The following SH2D4A variants were observed in gnomAD, a reference collection of about 807,000 sequenced individuals.
SH2D4A encodes the protein SH2 domain-containing protein 4A.
A neutral mutation model predicts 64.7 loss-of-function variants in SH2D4A; 70 were observed. The observed-to-expected ratio is 1.08, with a 90% CI of 0.89 to 1.32. SH2D4A has a LOEUF of 1.32. Among genes scored for constraint, SH2D4A ranks in the 40% most tolerant of loss-of-function variants. The probability of loss-of-function intolerance (pLI) is 0.00; values close to 1 mark genes in which losing one functional copy is unlikely to be tolerated. For missense variants in SH2D4A, 706 were observed against 540.1 expected (o/e 1.31, Z -3.04); for synonymous variants, 268 against 200.7 (o/e 1.34, Z -2.83).
At chr8:19,378,208 T>A (rs936778393) in intron 8 of SH2D4A, among the ~76,000 whole-genome samples, 2 of 152,344 alleles carry the variant, frequency 1.3e-5, no homozygotes, top group African/African-American at 4.8e-5. Flanking sequence ...TACATATATA[T>A]TCTCCTAGTT....
At position 19,364,302 on chromosome 8, in the gene SH2D4A, G is replaced by T; in HGVS notation, c.917+20G>T. 1 of 1,612,688 alleles carries T rather than the reference G, an allele frequency of 6.2e-7. No homozygotes were observed. The highest frequency in any genetic ancestry group is 8.5e-7 in the Non-Finnish European group (1 of 1,179,010). On this transcript the variant is annotated intron_variant, in intron 7 of 9. Transcript: ENST00000265807. The stretch of plus-strand genomic sequence containing the variant: ...TCTTAGGTAAGAAGCCACACAGATG[G>T]GTTTATGCATAAACATTGCAATGGG...
intron 4 of SH2D4A, among the ~76,000 whole-genome samples, chr8:19,353,334 A>G (rs2052736558): frequency 6.6e-6 from 1 of 151,412 alleles, no homozygotes; most frequent in Admixed American, 6.6e-5. Context: ...TATTGCCATC[A>G]TAAGTCATTA....
At chr8:19,363,437 T>G (rs2153648583) in intron 6 of SH2D4A, among the ~76,000 whole-genome samples, 1 of 152,274 alleles carries the variant, frequency 6.6e-6, no homozygotes, top group Non-Finnish European at 1.5e-5. Context: ...TATGATGCAT[T>G]TCTCAGGATT....
At chr8:19,365,885 A>G (rs1357282792) in intron 7 of SH2D4A, among the ~76,000 whole-genome samples, 1 of 152,156 alleles carries the variant, frequency 6.6e-6, no homozygotes, top group African/African-American at 2.4e-5. Context: ...GGAAGCTAGT[A>G]AGAGAATGTA....
intron 2 of SH2D4A, among the ~76,000 whole-genome samples, chr8:19,321,935 G>C (rs762490388): frequency 2.6e-5 from 4 of 152,062 alleles, no homozygotes; most frequent in Admixed American, 1.3e-4. Context: ...TCGCTTGTAG[G>C]GTTTTGAATC....
chr8:19,393,014 T>G lies in SH2D4A; in HGVS notation c.1049-304T>G, dbSNP rs531777906. Among the ~76,000 whole-genome samples the G allele has an allele frequency of 4.1e-4, 63 of 152,274 alleles. 1 individual carries two copies. Among genetic ancestry groups the G allele is most frequent in the African/African-American group, 1.5e-3 (62 of 41,546 alleles). The stretch of plus-strand genomic sequence containing the variant: ...CCTCGGCCTCTCAAAGTGCTGGGAT[T>G]ACAGGCGTGAGCCACCACGCCTGGC... On this transcript the variant is annotated intron_variant, in intron 8 of 9. Transcript: ENST00000265807.
chr8:19,354,847 G>A (rs10101296), intron 4 of SH2D4A, among the ~76,000 whole-genome samples: 4,136 of 152,250 alleles, frequency 0.027, 189 homozygotes, highest in African/African-American at 0.095. Context: ...ATGCCTATTA[G>A]CTTAATGCTA....
intron 4 of SH2D4A, among the ~76,000 whole-genome samples, chr8:19,335,250 T>TGCACTCCA (rs986993639): frequency 1.3e-5 from 2 of 151,538 alleles, no homozygotes; most frequent in African/African-American, 4.9e-5. Context: ...ATTGCGACAC[T>TGCACTCCA]GCACTCCAGC....
intron 7 of SH2D4A, among the ~76,000 whole-genome samples, chr8:19,372,773 G>A (rs2053124674): frequency 6.6e-6 from 1 of 151,896 alleles, no homozygotes; most frequent in Non-Finnish European, 1.5e-5. Context: ...ATTTCAAAAT[G>A]ATTCTGCTGC....
intron 8 of SH2D4A, among the ~76,000 whole-genome samples, chr8:19,392,375 C>T (rs962717495): frequency 6.6e-6 from 1 of 152,168 alleles, no homozygotes; most frequent in African/African-American, 2.4e-5. Flanking sequence ...GTCTCAATTT[C>T]AGCACTACTG....
intron 4 of SH2D4A, among the ~76,000 whole-genome samples, chr8:19,335,127 C>CG (rs1437913375): frequency 1.4e-5 from 2 of 145,814 alleles, no homozygotes; most frequent in African/African-American, 5.0e-5. Context: ...ACTAAAAATA[C>CG]AAAAAAAAAA....
At chr8:19,334,630 A>T in intron 3 of SH2D4A, 56 bp from the exon 4 acceptor site, 1 of 1,530,146 alleles carries the variant, frequency 6.5e-7, no homozygotes, top group South Asian at 1.3e-5. Context: ...ATGCTTTGGA[A>T]AGGCTCTTCC....
intron 3 of SH2D4A, among the ~76,000 whole-genome samples, chr8:19,333,328 A>G (rs933033974): frequency 6.6e-6 from 1 of 152,146 alleles, no homozygotes. Context: ...CTTTTGATCT[A>G]AAGTCTTTGA....
At chr8:19,389,572 A>G (rs919512568) in intron 8 of SH2D4A, among the ~76,000 whole-genome samples, 1 of 152,144 alleles carries the variant, frequency 6.6e-6, no homozygotes, top group African/African-American at 2.4e-5. Context: ...AGGGCCAGAC[A>G]CTGCCCATCA....
chr8:19,343,134 G>T (rs1454242728), intron 4 of SH2D4A, among the ~76,000 whole-genome samples: 1 of 152,100 alleles, frequency 6.6e-6, no homozygotes, highest in Non-Finnish European at 1.5e-5. Flanking sequence ...TATCAAAAGT[G>T]GGAATTAAAA....
At chr8:19,315,341 G>A (rs1389596089) in intron 1 of SH2D4A, among the ~76,000 whole-genome samples, 1 of 152,138 alleles carries the variant, frequency 6.6e-6, no homozygotes, top group Non-Finnish European at 1.5e-5. Context: ...TTGCCATGTT[G>A]CCCAAGCAGG....
intron 8 of SH2D4A, among the ~76,000 whole-genome samples, 163 bp downstream of exon 8, chr8:19,373,823 G>C (rs1009220867): frequency 2.0e-5 from 3 of 152,162 alleles, no homozygotes; most frequent in Non-Finnish European, 4.4e-5. Flanking sequence ...TCAGTAAGCT[G>C]CATTCTCATG....
At chr8:19,365,973 G>A (rs111641445) in intron 7 of SH2D4A, among the ~76,000 whole-genome samples, 2 of 152,102 alleles carry the variant, frequency 1.3e-5, no homozygotes, top group African/African-American at 4.8e-5. Context: ...AAAATGCTCC[G>A]AAAATCATTA....
chr8:19,387,855 CTG>C (rs1178044424), intron 8 of SH2D4A, among the ~76,000 whole-genome samples: 1 of 152,202 alleles, frequency 6.6e-6, no homozygotes, highest in Non-Finnish European at 1.5e-5. Context: ...GCATGAAGAA[CTG>C]TGTGGCACAT....
Sources: allele counts gnomAD v4.1 joint callset (sites outside exome capture counted in the v4.1 genomes callset), GRCh38; gene constraint gnomAD v4.1.1; transcripts MANE v1.5; gene names NCBI Gene and HGNC (gene_info 2026-07-23, HGNC 2026-07-21).